Variants in AUTS2 observed in about 807,000 individuals in gnomAD.
AUTS2 encodes the protein autism susceptibility gene 2 protein.
In AUTS2, 17 loss-of-function variants were observed where a neutral mutation model predicts 112.4. The observed-to-expected ratio is 0.15, with a 90% CI of 0.10 to 0.23. The LOEUF (loss-of-function observed/expected upper bound fraction) is 0.23, where lower values mean the gene tolerates loss of function less well. Ranked by LOEUF, AUTS2 falls within the 10% of genes least tolerant of loss-of-function variation. The pLI, the probability that AUTS2 is intolerant of heterozygous loss-of-function variation, is 1.00. For missense variants in AUTS2, 1,510 were observed against 1,701.6 expected (o/e 0.89, Z 1.98); for synonymous variants, 751 against 702.7 (o/e 1.07, Z -1.09).
chr7:69,848,228 C>T (rs895153384), intron 1 of AUTS2, among the ~76,000 whole-genome samples: 1 of 152,124 alleles, frequency 6.6e-6, no homozygotes, highest in Admixed American at 6.5e-5. Flanking sequence ...GAAGGAAAGA[C>T]GATTGCAGCC....
intron 1 of AUTS2, chr7:69,643,500 G>C (rs930047422): frequency 5.3e-5 from 8 of 151,656 alleles, no homozygotes; most frequent in African/African-American, 1.9e-4. Flanking sequence ...AACACTGATT[G>C]ACAGAAAGTC....
intron 4 of AUTS2, among the ~76,000 whole-genome samples, chr7:70,398,275 A>G (rs1439358303): frequency 6.6e-6 from 1 of 152,224 alleles, no homozygotes. Context: ...TTGTAGGTTT[A>G]TATATTTCCA....
intron 4 of AUTS2, among the ~76,000 whole-genome samples, chr7:70,143,091 A>C (rs982396683): frequency 6.6e-6 from 1 of 152,244 alleles, no homozygotes; most frequent in Non-Finnish European, 1.5e-5. Context: ...AATCCATTGC[A>C]TAAGAAACTT....
At chr7:69,827,014 A>G (rs192258443) in intron 1 of AUTS2, among the ~76,000 whole-genome samples, 2 of 152,270 alleles carry the variant, frequency 1.3e-5, no homozygotes, top group African/African-American at 2.4e-5. Context: ...GCATTTGGCT[A>G]TTGAGCTTTC....
chr7:69,887,330 C>CA (rs1794322152), intron 1 of AUTS2, among the ~76,000 whole-genome samples: 1 of 149,260 alleles, frequency 6.7e-6, no homozygotes, highest in Non-Finnish European at 1.5e-5. Context: ...ACAGGAGAAT[C>CA]ATGTGAACCC....
chr7:70,554,594 C>T (rs371482273), intron 5 of AUTS2, among the ~76,000 whole-genome samples: 3 of 152,112 alleles, frequency 2.0e-5, no homozygotes, highest in South Asian at 2.1e-4. Flanking sequence ...AAGGGATGCT[C>T]TTTGCCCCAG....
chr7:70,536,311 A>C (rs1311771101), intron 5 of AUTS2, among the ~76,000 whole-genome samples: 1 of 152,150 alleles, frequency 6.6e-6, no homozygotes, highest in African/African-American at 2.4e-5. Flanking sequence ...AATAAAAGTA[A>C]TTAAGAGTCA....
chr7:70,700,109 G>A (rs549970545), intron 6 of AUTS2, among the ~76,000 whole-genome samples: 11 of 152,304 alleles, frequency 7.2e-5, no homozygotes, highest in South Asian at 2.1e-4. Context: ...TCTTCAGGGC[G>A]GATGAACAGC....
Position 69,867,950 on chromosome 7 carries a change from C to T in AUTS2, c.310-31336C>T, listed in dbSNP as rs373181860. On this transcript the variant is annotated intron_variant, in intron 1 of 18. Coordinates refer to ENST00000342771, the MANE Select transcript of AUTS2 (RefSeq NM_015570.4). ...CTCATGCAATATTTGAGAATACTTA[C>T]TCTAAAAAATCATATAGGAAATTCA... Among the ~76,000 whole-genome samples the T allele has an allele frequency of 9.2e-4, 139 of 151,622 alleles. 3 individuals are homozygous for T. In the South Asian group the frequency reaches 0.028, roughly 31 times the overall value.
At position 70,765,722 on chromosome 7, in the gene AUTS2, A is replaced by G. The variant is rs113955434; in HGVS notation, c.1469-392A>G. Among the ~76,000 whole-genome samples, 245 of 152,316 alleles carry G rather than the reference A, an allele frequency of 1.6e-3. 1 individual carries two copies. The highest frequency in any genetic ancestry group is 5.6e-3 in the African/African-American group (233 of 41,574). On this transcript the variant is annotated intron_variant, in intron 8 of 18. Transcript: ENST00000342771. ...AACGTGCAAATTGCTTTAACCCTCA[A>G]AAATCAAACCCATGAGTTAGGCAAT...
intron 1 of AUTS2, among the ~76,000 whole-genome samples, chr7:69,612,098 C>T (rs896553838): frequency 1.3e-4 from 20 of 152,100 alleles, no homozygotes; most frequent in Middle Eastern, 3.4e-3. Context: ...GAATCACTGA[C>T]GATGATTATA....
At chr7:70,587,324 A>G (rs1802732031) in intron 5 of AUTS2, among the ~76,000 whole-genome samples, 2 of 152,170 alleles carry the variant, frequency 1.3e-5, no homozygotes, top group African/African-American at 2.4e-5. Context: ...AGATTCTCCC[A>G]TCCCAGCCTC....
chr7:70,489,565 T>C (rs1484399469), intron 5 of AUTS2, among the ~76,000 whole-genome samples: 1 of 152,226 alleles, frequency 6.6e-6, no homozygotes, highest in African/African-American at 2.4e-5. Flanking sequence ...TTTAGTGACG[T>C]AGAGATTTAT....
chr7:70,442,892 C>T (rs900546804), intron 5 of AUTS2, among the ~76,000 whole-genome samples: 2 of 152,132 alleles, frequency 1.3e-5, no homozygotes, highest in African/African-American at 4.8e-5. Context: ...TTTTATTGTT[C>T]TTCCAAAATC....
At chr7:69,647,498 G>A (rs1414994172) in intron 1 of AUTS2, among the ~76,000 whole-genome samples, 36 of 152,068 alleles carry the variant, frequency 2.4e-4, no homozygotes, top group Non-Finnish European at 1.5e-5. Flanking sequence ...GGGACTACAG[G>A]CATGCACCAG....
intron 4 of AUTS2, among the ~76,000 whole-genome samples, chr7:70,303,295 G>A (rs1377220533): frequency 6.6e-6 from 1 of 152,214 alleles, no homozygotes; most frequent in Non-Finnish European, 1.5e-5. Flanking sequence ...TTACCAGGCT[G>A]TTTCTTTCCT....
chr7:70,113,081 C>T (rs1001309802), intron 2 of AUTS2, among the ~76,000 whole-genome samples: 2 of 152,018 alleles, frequency 1.3e-5, no homozygotes, highest in Non-Finnish European at 2.9e-5. Context: ...ACAAAAGAAC[C>T]TTTGATTCTG....
intron 1 of AUTS2, among the ~76,000 whole-genome samples, chr7:69,646,041 G>A (rs976370030): frequency 1.3e-5 from 2 of 151,444 alleles, no homozygotes; most frequent in African/African-American, 4.9e-5. Flanking sequence ...GAAGAAGGAG[G>A]GACCATTAGT....
chr7:69,922,101 G>A (rs1690754351), intron 2 of AUTS2, among the ~76,000 whole-genome samples: 1 of 152,126 alleles, frequency 6.6e-6, no homozygotes, highest in South Asian at 2.1e-4. Flanking sequence ...AGTAAATGTT[G>A]ACTAGTCTCA....
Sources: gnomAD v4.1 joint callset for allele counts (sites outside exome capture counted in the v4.1 genomes callset) on GRCh38, gnomAD v4.1.1 for gene constraint, MANE v1.5 for transcripts, NCBI Gene and HGNC (gene_info 2026-07-23, HGNC 2026-07-21) for gene names.